Variants in CDH7 observed in about 807,000 individuals in gnomAD.
CDH7 encodes the protein cadherin-7.
CDH7 carries 25 observed loss-of-function variants against 71.8 expected under a neutral mutation model. The ratio of observed to expected loss-of-function variants is 0.35; its 90% CI spans 0.25 to 0.49. The LOEUF (loss-of-function observed/expected upper bound fraction) is 0.49. Ranked by LOEUF, CDH7 falls within the 20% of genes least tolerant of loss-of-function variation. The pLI is 0.99. For missense variants in CDH7, 862 were observed against 974.6 expected (o/e 0.88, Z 1.54); for synonymous variants, 381 against 363.8 (o/e 1.05, Z -0.54).
chr18:65,784,657 A>G (rs1175387086), intron 2 of CDH7, among the ~76,000 whole-genome samples: 1 of 152,122 alleles, frequency 6.6e-6, no homozygotes, highest in Non-Finnish European at 1.5e-5. Flanking sequence ...ATTTCATTCC[A>G]CAGTATTCTT....
intron 2 of CDH7, among the ~76,000 whole-genome samples, chr18:65,796,729 G>T (rs1226536584): frequency 1.3e-5 from 2 of 152,126 alleles, no homozygotes; most frequent in African/African-American, 2.4e-5. Context: ...CATGCATGTT[G>T]GATAACACAG....
At chr18:65,770,426 A>G (rs1474216335) in intron 2 of CDH7, among the ~76,000 whole-genome samples, 1 of 152,216 alleles carries the variant, frequency 6.6e-6, no homozygotes, top group African/African-American at 2.4e-5. Flanking sequence ...AGAATCCTAT[A>G]AGTTAAAGAA....
intron 11 of CDH7, among the ~76,000 whole-genome samples, chr18:65,877,544 C>T (rs1914107860): frequency 4.0e-5 from 6 of 151,834 alleles, no homozygotes; most frequent in Admixed American, 3.9e-4. Context: ...CCCTTACTGA[C>T]TCTCATACTC....
intron 9 of CDH7, 131 bp downstream of exon 9, chr18:65,859,177 G>A: frequency 1.3e-6 from 1 of 795,354 alleles, no homozygotes; most frequent in East Asian, 2.6e-5. Context: ...CTAACACTTT[G>A]ATGTGTAGCA....
At chr18:65,826,441 C>T (rs1912133906) in intron 6 of CDH7, among the ~76,000 whole-genome samples, 1 of 150,968 alleles carries the variant, frequency 6.6e-6, no homozygotes, top group Non-Finnish European at 1.5e-5. Context: ...TTTATATTAT[C>T]ATATTAAGGA....
chr18:65,781,836 T>A (rs1219864995), intron 2 of CDH7, among the ~76,000 whole-genome samples: 47 of 91,572 alleles, frequency 5.1e-4, no homozygotes, highest in African/African-American at 2.7e-3. Flanking sequence ...CTTTCTTTCT[T>A]TCTTTCTTTC....
At chr18:65,840,416 C>T (rs565528397) in intron 6 of CDH7, among the ~76,000 whole-genome samples, 1 of 151,714 alleles carries the variant, frequency 6.6e-6, no homozygotes, top group East Asian at 1.9e-4. Context: ...TTTTTTTAAC[C>T]CTGGTTAAAT....
chr18:65,838,072 G>A (rs551980665), intron 6 of CDH7, among the ~76,000 whole-genome samples: 14 of 151,864 alleles, frequency 9.2e-5, no homozygotes, highest in African/African-American at 1.9e-4. Context: ...TTACAGGCAC[G>A]TGCCACCATG....
intron 2 of CDH7, among the ~76,000 whole-genome samples, chr18:65,804,257 T>C (rs949845392): frequency 5.9e-5 from 9 of 152,146 alleles, no homozygotes; most frequent in African/African-American, 2.2e-4. Context: ...CACTGTATCA[T>C]CTCAAGTAGT....
chr18:65,828,361 T>C (rs1912209035), intron 6 of CDH7, among the ~76,000 whole-genome samples: 1 of 152,122 alleles, frequency 6.6e-6, no homozygotes, highest in Admixed American at 6.5e-5. Flanking sequence ...AGTTGATCCT[T>C]AAAAACCATG....
At chr18:65,824,959 C>A (rs1912075132) in intron 6 of CDH7, 128 bp downstream of exon 6, 1 of 569,222 alleles carries the variant, frequency 1.8e-6, no homozygotes. Flanking sequence ...GTAAGATAAG[C>A]TATACATTTA....
intron 6 of CDH7, among the ~76,000 whole-genome samples, chr18:65,833,781 AATG>A (rs1313999597): frequency 2.0e-5 from 3 of 152,212 alleles, no homozygotes; most frequent in African/African-American, 7.2e-5. Flanking sequence ...CTTTGAAGAA[AATG>A]ATACTAATTT....
chr18:65,817,152 T>C (rs1027890047), intron 4 of CDH7, among the ~76,000 whole-genome samples: 4 of 152,144 alleles, frequency 2.6e-5, no homozygotes, highest in African/African-American at 9.7e-5. Flanking sequence ...ATGGATTGAG[T>C]GTTAAACATC....
Position 65,782,180 on chromosome 18 carries a change from T to TTCTTTCTTTCTTTCTTTCTC in CDH7, c.210+19136_210+19137insTCTTTCTTTCTCTCTTTCTT, listed in dbSNP as rs1568182822. Reference sequence around the variant, plus strand: ...TTTCTTTCTTCCTTTCTTTCTTTCTTTCTTTCTTGACAGAGTCTCACTCCG... The same window carrying TTCTTTCTTTCTTTCTTTCTC: ...TTTCTTTCTTCCTTTCTTTCTTTCTTTCTTTCTTTCTTTCTTTCTCTCTTTCTTGACAGAGTCTCACTCCG... On this transcript the variant is annotated intron_variant, in intron 2 of 11. Coordinates refer to ENST00000397968, the MANE Select transcript of CDH7 (RefSeq NM_004361.5). 1.7e-4 allele frequency among the ~76,000 whole-genome samples: 24 copies of TTCTTTCTTTCTTTCTTTCTC among 138,666 alleles called. 1 individual carries two copies. Among genetic ancestry groups the TTCTTTCTTTCTTTCTTTCTC allele is most frequent in the African/African-American group, 7.0e-4 (23 of 32,960 alleles). 91.0% of individuals were successfully genotyped at this position (138,666 alleles called of 152,430 possible).
intron 6 of CDH7, among the ~76,000 whole-genome samples, chr18:65,842,254 G>A (rs1200772563): frequency 3.3e-5 from 5 of 152,000 alleles, no homozygotes. Context: ...AGCATTTTAG[G>A]TACTGGGAAT....
chr18:65,847,076 A>AAT (rs1438820537), intron 7 of CDH7, among the ~76,000 whole-genome samples: 1 of 152,128 alleles, frequency 6.6e-6, no homozygotes, highest in Non-Finnish European at 1.5e-5. Context: ...CTTTTTGATG[A>AAT]ATATAAGCAT....
At chr18:65,841,207 G>A (rs558384016) in intron 6 of CDH7, among the ~76,000 whole-genome samples, 10 of 152,112 alleles carry the variant, frequency 6.6e-5, no homozygotes, top group Non-Finnish European at 1.3e-4. Flanking sequence ...ATGCATAATA[G>A]TGTGTTTTTT....
In CDH7 at chr18:65,885,919, A is replaced by C. The variant is rs1476413360; in HGVS notation, c.*5025A>C. On this transcript the variant is annotated 3_prime_UTR_variant, in exon 12 of 12. Coordinates refer to ENST00000397968, the MANE Select transcript of CDH7 (RefSeq NM_004361.5). ...AAGAACATTTAGCTGTTATTTGTGT[A>C]ATTGTCACATATTATTGTGCAGATT... The C allele has an allele frequency of 6.6e-6, 1 of 152,200 alleles. No homozygotes were observed. Among genetic ancestry groups the C allele is most frequent in the African/African-American group, 2.4e-5 (1 of 41,448 alleles). The allele number at this position is 152,200 out of a possible 1,614,324, so 9.4% of individuals were successfully genotyped here. A position where few individuals can be genotyped will look rare whatever the true frequency, so the allele number is the denominator to read the frequency against.
At chr18:65,781,974 C>CTTTCTCTCTTTCTT (rs1568182061) in intron 2 of CDH7, among the ~76,000 whole-genome samples, 8 of 102,604 alleles carry the variant, frequency 7.8e-5, no homozygotes, top group Non-Finnish European at 9.1e-5. Flanking sequence ...CTCTCTCTCT[C>CTTTCTCTCTTTCTT]TCTCTCTCTC....
Sources: allele counts gnomAD v4.1 joint callset (sites outside exome capture counted in the v4.1 genomes callset), GRCh38; gene constraint gnomAD v4.1.1; transcripts MANE v1.5; gene names NCBI Gene and HGNC (gene_info 2026-07-23, HGNC 2026-07-21).